EXT2: variants seen among roughly 807,000 people sequenced by gnomAD.
The protein encoded by EXT2 is exostosin-2.
Under a neutral mutation model 81.6 loss-of-function variants are expected in EXT2, and 53 were observed. The ratio of observed to expected loss-of-function variants is 0.65; its 90% confidence interval spans 0.52 to 0.82. The LOEUF (loss-of-function observed/expected upper bound fraction) is 0.82. Ranked by LOEUF, EXT2 falls within the 40% of genes least tolerant of loss-of-function variation. EXT2 has a pLI of 0.00. For missense variants in EXT2, 774 were observed against 910.2 expected (o/e 0.85, Z 1.93); for synonymous variants, 320 against 340.0 (o/e 0.94, Z 0.65).
At chr11:44,138,266 G>C (rs915472726) in intron 7 of EXT2, among the ~76,000 whole-genome samples, 2 of 152,232 alleles carry the variant, frequency 1.3e-5, no homozygotes, top group African/African-American at 4.8e-5. Context: ...GGAGAAAGCA[G>C]TGAACATAAT....
intron 4 of EXT2, among the ~76,000 whole-genome samples, chr11:44,118,652 C>T (rs1042928730): frequency 6.6e-6 from 1 of 152,136 alleles, no homozygotes; most frequent in Non-Finnish European, 1.5e-5. Context: ...AATGGAAATA[C>T]ACAAATAATT....
chr11:44,224,383 G>T (rs1235089719), intron 10 of EXT2, among the ~76,000 whole-genome samples: 1 of 151,842 alleles, frequency 6.6e-6, no homozygotes, highest in Non-Finnish European at 1.5e-5. Context: ...TTAGATATAT[G>T]TGTACATATA....
At chr11:44,127,018 C>A in intron 6 of EXT2, 63 bp downstream of exon 6, 2 of 1,589,676 alleles carry the variant, frequency 1.3e-6, no homozygotes, top group Non-Finnish European at 1.7e-6. Context: ...AATAAAATCT[C>A]CTCAGGTCAT....
chr11:44,173,563 CTTTTTTTTTTT>C (rs66702988), intron 8 of EXT2, among the ~76,000 whole-genome samples: 9 of 100,068 alleles, frequency 9.0e-5, no homozygotes, highest in African/African-American at 2.4e-4. Flanking sequence ...TTCTTTCTTT[CTTTTTTTTTTT>C]TTTTTTTTTT....
chr11:44,161,720 C>T (rs1442441788), intron 7 of EXT2, among the ~76,000 whole-genome samples: 10 of 152,056 alleles, frequency 6.6e-5, no homozygotes, highest in Non-Finnish European at 8.8e-5. Flanking sequence ...AGTGGGAAAA[C>T]CTGGCAGACC....
At chr11:44,119,358 A>C (rs929955254) in intron 4 of EXT2, among the ~76,000 whole-genome samples, 9 of 151,856 alleles carry the variant, frequency 5.9e-5, no homozygotes, top group Non-Finnish European at 1.2e-4. Context: ...GAGGTAGAAG[A>C]CGCATGGGGT....
In EXT2 at chr11:44,207,003, T is replaced by A. The variant is rs369209438; in HGVS notation, c.1662+44T>A. On this transcript the variant is annotated intron_variant, in intron 10 of 13. Transcript: ENST00000533608. ...GTGTGTTTATATGTTTAATATTACT[T>A]CCTATGACTGCTTGTCTTTTCTAAA... 2.5e-6 allele frequency: 4 copies of A among 1,569,958 alleles called. No individual in the cohort carries two copies. The African/African-American group carries it at 5.4e-5, about 21-fold the overall frequency.
rs145819001 is a variant in EXT2 at position 44,236,429 on chromosome 11, C to T, written c.2018+54C>T. The T allele has an allele frequency of 4.1e-5, 63 of 1,532,220 alleles. 1 individual carries two copies. In the African/African-American group the frequency reaches 7.5e-4, roughly 18 times the overall value. 94.9% of individuals were successfully genotyped at this position (1,532,220 alleles called of 1,614,324 possible). Reference sequence around the variant, plus strand: ...CTTAGCCTCTGATCTCTATTTCCTGCCTTAGGCCTGTTTATGGGGCTTTGT... The same window carrying T: ...CTTAGCCTCTGATCTCTATTTCCTGTCTTAGGCCTGTTTATGGGGCTTTGT... On this transcript the variant is annotated intron_variant, in intron 13 of 13. Transcript: ENST00000533608.
At chr11:44,183,782 T>A (rs190730387) in intron 8 of EXT2, among the ~76,000 whole-genome samples, 170 of 152,356 alleles carry the variant, frequency 1.1e-3, no homozygotes, top group South Asian at 2.5e-3. Flanking sequence ...TATTTGATTA[T>A]TTTTCAAATC....
chr11:44,148,152 G>C lies in EXT2; in HGVS notation c.1173+18014G>C, dbSNP rs550591497. ...CTCTAGTAAGGACTAACTCCCAACT[G>C]TGTTACAATAAAAGAAATCAAGGTA... is the stretch of plus-strand genomic sequence containing the variant. On this transcript the variant is annotated intron_variant, in intron 7 of 13. Coordinates refer to ENST00000533608, the MANE Select transcript of EXT2 (RefSeq NM_207122.2). Among the ~76,000 whole-genome samples the C allele has an allele frequency of 7.2e-5, 11 of 152,308 alleles. No homozygotes were observed. The South Asian group carries it at 2.3e-3, about 32-fold the overall frequency.
rs1208570946 is a variant in EXT2, at chr11:44,246,585, A to G, written c.*2298A>G. Among the ~76,000 whole-genome samples, 1 of 152,188 alleles carries G rather than the reference A, an allele frequency of 6.6e-6. No homozygotes were observed. The highest frequency in any genetic ancestry group is 1.5e-5 in the Non-Finnish European group (1 of 68,034). ...GTTAGATCTTGCAACACAGCATAAA[A>G]CAATTTATGTTAAAGAAGGAGCATT... On this transcript the variant is annotated 3_prime_UTR_variant, in exon 14 of 14. Coordinates refer to ENST00000533608, the MANE Select transcript of EXT2 (RefSeq NM_207122.2).
intron 10 of EXT2, among the ~76,000 whole-genome samples, chr11:44,231,263 T>C (rs1290985877): frequency 6.6e-6 from 1 of 152,004 alleles, no homozygotes; most frequent in Non-Finnish European, 1.5e-5. Flanking sequence ...CGCTAATGGA[T>C]TGAACATGAG....
intron 13 of EXT2, among the ~76,000 whole-genome samples, chr11:44,237,499 G>A (rs1474235517): frequency 1.3e-5 from 2 of 152,082 alleles, no homozygotes; most frequent in South Asian, 2.1e-4. Context: ...ATACACTGTC[G>A]TAGCTCCTTT....
chr11:44,234,705 GT>G (rs1372642288), intron 12 of EXT2, among the ~76,000 whole-genome samples: 1 of 151,922 alleles, frequency 6.6e-6, no homozygotes, highest in African/African-American at 2.4e-5. Flanking sequence ...TCAATTACCA[GT>G]TTTTAAAAGT....
intron 10 of EXT2, among the ~76,000 whole-genome samples, chr11:44,222,318 G>A (rs143068364): frequency 6.6e-6 from 1 of 152,268 alleles, no homozygotes; most frequent in African/African-American, 2.4e-5. Context: ...TTGATTGAAA[G>A]CCTCTTCTCC....
chr11:44,191,773 G>C (rs1365378892), intron 8 of EXT2, among the ~76,000 whole-genome samples: 1 of 152,136 alleles, frequency 6.6e-6, no homozygotes, highest in Non-Finnish European at 1.5e-5. Context: ...TTACCCTAGT[G>C]GGGTGGAGTG....
At chr11:44,101,944 T>TAAAAA (rs71035677) in intron 1 of EXT2, among the ~76,000 whole-genome samples, 2 of 131,144 alleles carry the variant, frequency 1.5e-5, no homozygotes, top group East Asian at 4.2e-4. Flanking sequence ...GTATAATCAG[T>TAAAAA]AAAAAAAAAA....
intron 10 of EXT2, among the ~76,000 whole-genome samples, chr11:44,229,395 G>T (rs575273271): frequency 6.6e-6 from 1 of 152,196 alleles, no homozygotes; most frequent in African/African-American, 2.4e-5. Context: ...CTATTATGAC[G>T]ATGCCTGCGG....
chr11:44,241,177 C>T (rs1377005705), intron 13 of EXT2, among the ~76,000 whole-genome samples: 2 of 151,918 alleles, frequency 1.3e-5, no homozygotes, highest in Non-Finnish European at 1.5e-5. Context: ...TTCCAGGATC[C>T]GCTGTTAGTT....
Sources: allele counts gnomAD v4.1 joint callset (sites outside exome capture counted in the v4.1 genomes callset), GRCh38; gene constraint gnomAD v4.1.1; transcripts MANE v1.5; gene names NCBI Gene and HGNC (gene_info 2026-07-23, HGNC 2026-07-21).